The following SLC25A26 variants were observed in gnomAD, a reference collection of about 807,000 sequenced individuals.
SLC25A26 encodes solute carrier family 25 member 26.
Under a neutral mutation model 37.8 loss-of-function variants are expected in SLC25A26, and 36 were observed. The observed-to-expected ratio is 0.95, with a 90% CI of 0.73 to 1.26. The LOEUF is 1.26. Among genes scored for constraint, SLC25A26 ranks in the 50% most tolerant of loss-of-function variants. The probability of loss-of-function intolerance (pLI) is 0.00; values close to 1 mark genes in which losing one functional copy is unlikely to be tolerated. For missense variants in SLC25A26, 390 were observed against 331.1 expected, an observed-to-expected ratio of 1.18 and a Z score of -1.38; for synonymous variants, 129 against 122.5, an observed-to-expected ratio of 1.05 and a Z score of -0.35.
At chr3:66,243,119 G>C in intron 2 of SLC25A26, 84 bp from the exon 3 acceptor site, 1 of 675,594 alleles carries the variant, frequency 1.5e-6, no homozygotes, top group East Asian at 2.6e-5. Flanking sequence ...AATAATTATT[G>C]TCATACTTTT....
intron 6 of SLC25A26, among the ~76,000 whole-genome samples, chr3:66,353,251 TAAA>T (rs1423020535): frequency 1.2e-4 from 18 of 152,180 alleles, no homozygotes; most frequent in African/African-American, 3.6e-4. Context: ...ACAACCATAA[TAAA>T]AGCAAGAACA....
chr3:66,232,075 A>G (rs1240667590), intron 1 of SLC25A26, among the ~76,000 whole-genome samples: 1 of 152,190 alleles, frequency 6.6e-6, no homozygotes, highest in Non-Finnish European at 1.5e-5. Context: ...ACATTCTTGT[A>G]TATTTGTGCA....
chr3:66,356,326 G>A (rs746042092), intron 6 of SLC25A26, among the ~76,000 whole-genome samples: 18 of 152,074 alleles, frequency 1.2e-4, no homozygotes, highest in Admixed American at 3.9e-4. Context: ...GGTGGGGGTC[G>A]GGGAGCCAAA....
intron 7 of SLC25A26, among the ~76,000 whole-genome samples, chr3:66,369,009 T>C (rs1327793588): frequency 7.6e-6 from 1 of 132,080 alleles, no homozygotes; most frequent in Non-Finnish European, 1.5e-5. Flanking sequence ...TGAGACACAG[T>C]GAGACCCTGT....
At chr3:66,346,343 A>AC in intron 5 of SLC25A26, 21 bp from the exon 6 acceptor site, 1 of 1,334,738 alleles carries the variant, frequency 7.5e-7, no homozygotes, top group Non-Finnish European at 1.0e-6. Flanking sequence ...AATTTATTTA[A>AC]TTTTTTTTTT....
chr3:66,297,454 G>A (rs536771111), intron 5 of SLC25A26, among the ~76,000 whole-genome samples: 2 of 151,296 alleles, frequency 1.3e-5, no homozygotes, highest in African/African-American at 4.9e-5. Flanking sequence ...CATTCCATTT[G>A]TGGCTGTTCT....
intron 1 of SLC25A26, among the ~76,000 whole-genome samples, chr3:66,213,046 C>G (rs2071306786): frequency 6.6e-6 from 1 of 151,966 alleles, no homozygotes; most frequent in South Asian, 2.1e-4. Flanking sequence ...TCTATCCTCC[C>G]TGGATAAAAG....
At chr3:66,164,756 G>A (rs765711219) in intron 1 of SLC25A26, among the ~76,000 whole-genome samples, 1 of 152,110 alleles carries the variant, frequency 6.6e-6, no homozygotes, top group African/African-American at 2.4e-5. Flanking sequence ...GTAAAAACAG[G>A]CTGTGGGCCA....
chr3:66,377,642 CT>C, intron 9 of SLC25A26, 47 bp from the exon 10 acceptor site: 2 of 1,487,874 alleles, frequency 1.3e-6, no homozygotes, highest in African/African-American at 1.4e-5. Flanking sequence ...GGAATTTAAC[CT>C]TTTTTTAAAA....
At chr3:66,170,339 T>G (rs547107097) in intron 1 of SLC25A26, among the ~76,000 whole-genome samples, 11 of 152,216 alleles carry the variant, frequency 7.2e-5, no homozygotes, top group Non-Finnish European at 1.2e-4. Flanking sequence ...TGTAGATGCC[T>G]AAGATTTCAG....
intron 5 of SLC25A26, among the ~76,000 whole-genome samples, chr3:66,273,897 T>C (rs1458232823): frequency 1.3e-5 from 2 of 152,110 alleles, no homozygotes; most frequent in African/African-American, 4.8e-5. Flanking sequence ...TGGAAAAAAC[T>C]ACTTTAAAGT....
intron 5 of SLC25A26, among the ~76,000 whole-genome samples, chr3:66,278,285 A>G (rs910646774): frequency 1.3e-5 from 2 of 152,124 alleles, no homozygotes; most frequent in Non-Finnish European, 2.9e-5. Flanking sequence ...TGACAAGTTA[A>G]ATTTAAAATT....
chr3:66,259,275 G>A (rs1158378340), intron 3 of SLC25A26, among the ~76,000 whole-genome samples: 8 of 152,036 alleles, frequency 5.3e-5, no homozygotes, highest in Non-Finnish European at 1.0e-4. Flanking sequence ...TTCCTTTTTG[G>A]TTCTCTCTTT....
intron 5 of SLC25A26, among the ~76,000 whole-genome samples, chr3:66,327,358 A>G (rs979601343): frequency 6.6e-6 from 1 of 152,176 alleles, no homozygotes; most frequent in African/African-American, 2.4e-5. Flanking sequence ...GTTTGACTCC[A>G]GGATAAAAAC....
intron 5 of SLC25A26, among the ~76,000 whole-genome samples, chr3:66,275,703 C>A (rs539734879): frequency 6.6e-6 from 1 of 152,210 alleles, no homozygotes; most frequent in South Asian, 2.1e-4. Flanking sequence ...TCTGTACTTC[C>A]ATTGAGATTA....
At chr3:66,299,192 A>G (rs2074997503) in intron 5 of SLC25A26, among the ~76,000 whole-genome samples, 1 of 152,206 alleles carries the variant, frequency 6.6e-6, no homozygotes, top group Non-Finnish European at 1.5e-5. Flanking sequence ...AAGAATACAT[A>G]CAACAAACTT....
At chr3:66,364,770 A>G (rs1045080090) in intron 7 of SLC25A26, among the ~76,000 whole-genome samples, 1 of 152,090 alleles carries the variant, frequency 6.6e-6, no homozygotes, top group East Asian at 1.9e-4. Flanking sequence ...AAGGAATGTC[A>G]TATCAATAAA....
chr3:66,331,994 C>T (rs971408602), intron 5 of SLC25A26, among the ~76,000 whole-genome samples: 1 of 139,346 alleles, frequency 7.2e-6, no homozygotes, highest in African/African-American at 3.4e-5. Flanking sequence ...TGCAATGGCA[C>T]GATCTTGGCT....
chr3:66,321,231 A>C (rs556342337), intron 5 of SLC25A26, among the ~76,000 whole-genome samples: 2 of 152,354 alleles, frequency 1.3e-5, no homozygotes, highest in Non-Finnish European at 2.9e-5. Context: ...GCTAGGGCTT[A>C]GAATCTGTGT....
Sources: gnomAD v4.1 joint callset for allele counts (sites outside exome capture counted in the v4.1 genomes callset) on GRCh38, gnomAD v4.1.1 for gene constraint, MANE v1.5 for transcripts, NCBI Gene and HGNC (gene_info 2026-07-23, HGNC 2026-07-21) for gene names.